AOPEP: variants seen among roughly 807,000 people sequenced by gnomAD.
The protein encoded by AOPEP is aminopeptidase O.
Under a neutral mutation model 98.1 loss-of-function variants are expected in AOPEP, and 77 were observed. The observed-to-expected ratio is 0.78, with a 90% confidence interval of 0.65 to 0.95. The LOEUF (loss-of-function observed/expected upper bound fraction) is 0.95. Ranked by LOEUF, AOPEP falls within the 40% of genes least tolerant of loss-of-function variation. The pLI is 0.00. For synonymous variants in AOPEP, 346 were observed against 365.3 expected (o/e 0.95, Z 0.60); for missense variants, 1,024 against 1,024.7 (o/e 1.00, Z 0.01).
At chr9:94,755,018 G>GC (rs1167648405) in intron 1 of AOPEP, among the ~76,000 whole-genome samples, 2 of 152,144 alleles carry the variant, frequency 1.3e-5, no homozygotes, top group African/African-American at 4.8e-5. Flanking sequence ...TCCTTTCAAA[G>GC]CCTTTAATGG....
chr9:95,129,603 A>G, the AOPEP span, among the ~76,000 whole-genome samples: 1 of 152,118 alleles, frequency 6.6e-6, no homozygotes, highest in African/African-American at 2.4e-5. Flanking sequence ...AATAAAATAA[A>G]CCTTTTGTGG....
At chr9:94,808,620 T>C (rs1849785940) in intron 5 of AOPEP, among the ~76,000 whole-genome samples, 1 of 152,364 alleles carries the variant, frequency 6.6e-6, no homozygotes, top group South Asian at 2.1e-4. Context: ...TCTGCAGTCA[T>C]TGAACAAACC....
At chr9:95,053,369 C>CT (rs1564577645) in intron 13 of AOPEP, among the ~76,000 whole-genome samples, 2 of 152,060 alleles carry the variant, frequency 1.3e-5, no homozygotes, top group East Asian at 3.9e-4. Flanking sequence ...TATTCTGAAC[C>CT]TTTTTTCTAA....
chr9:94,772,880 A>G (rs376939315), intron 2 of AOPEP, 122 bp from the exon 3 acceptor site: 2 of 960,236 alleles, frequency 2.1e-6, no homozygotes, highest in African/African-American at 3.2e-5. Context: ...AAACCAGTCA[A>G]CTACAAAGTT....
intron 13 of AOPEP, among the ~76,000 whole-genome samples, chr9:95,012,831 A>AATCC (rs2062639913): frequency 6.6e-6 from 1 of 152,166 alleles, no homozygotes; most frequent in African/African-American, 2.4e-5. Flanking sequence ...TAAATGAATG[A>AATCC]ATCCCACAAA....
At chr9:95,107,732 C>G in the AOPEP span, among the ~76,000 whole-genome samples, 32 of 151,938 alleles carry the variant, frequency 2.1e-4, no homozygotes, top group African/African-American at 7.5e-4. Flanking sequence ...GGCGGGGGGT[C>G]GGGGGGAACA....
the AOPEP span, chr9:95,111,268 C>G: frequency 1.3e-6 from 2 of 1,550,120 alleles, no homozygotes; most frequent in Middle Eastern, 1.7e-4. Flanking sequence ...CTCTGGCCAC[C>G]TCGGTGGGGA....
At chr9:95,079,190 G>T (rs984264837) in intron 14 of AOPEP, among the ~76,000 whole-genome samples, 4 of 152,160 alleles carry the variant, frequency 2.6e-5, no homozygotes, top group South Asian at 2.1e-4. Context: ...GTGGCCTGGG[G>T]GAAGGATTCT....
intron 1 of AOPEP, among the ~76,000 whole-genome samples, chr9:94,736,038 G>A (rs1587956628): frequency 6.6e-6 from 1 of 152,332 alleles, no homozygotes; most frequent in African/African-American, 2.4e-5. Flanking sequence ...ATTCCACTGT[G>A]TGGATGGACA....
intron 5 of AOPEP, among the ~76,000 whole-genome samples, chr9:94,865,681 T>C (rs921830877): frequency 4.6e-5 from 7 of 152,232 alleles, no homozygotes; most frequent in Non-Finnish European, 1.5e-5. Context: ...TGACCCTTTG[T>C]TGTCACTGTA....
chr9:94,727,519 G>A (rs534138571), intron 1 of AOPEP, among the ~76,000 whole-genome samples: 1 of 151,870 alleles, frequency 6.6e-6, no homozygotes. Flanking sequence ...TGTTTAGATC[G>A]CAAAAAAACA....
the AOPEP span, chr9:95,107,046 T>C: frequency 6.2e-7 from 1 of 1,613,780 alleles, no homozygotes; most frequent in Non-Finnish European, 8.5e-7. Context: ...ACTAGGATGC[T>C]GGACCACAGG....
chr9:95,098,594 C>T, the AOPEP span, among the ~76,000 whole-genome samples: 87 of 152,236 alleles, frequency 5.7e-4, no homozygotes, highest in African/African-American at 2.0e-3. Flanking sequence ...GGGGTGGCCA[C>T]GGCGCTGCTC....
At chr9:95,093,488 C>T in the AOPEP span, among the ~76,000 whole-genome samples, 3 of 152,180 alleles carry the variant, frequency 2.0e-5, no homozygotes, top group East Asian at 1.9e-4. Context: ...CAGCGTTTAA[C>T]GGCAGCCCTC....
chr9:94,782,305 A>G (rs1014330402), intron 3 of AOPEP, among the ~76,000 whole-genome samples: 5 of 152,236 alleles, frequency 3.3e-5, no homozygotes, highest in Non-Finnish European at 7.3e-5. Context: ...TGAAGGAGAA[A>G]AAGCATATGA....
At position 95,035,215 on chromosome 9, in the gene AOPEP, C is replaced by T. The variant is rs117377195; in HGVS notation, c.2116-25479C>T. Among the ~76,000 whole-genome samples the T allele has an allele frequency of 9.4e-4, 142 of 151,534 alleles. 2 individuals are homozygous for T. In the East Asian group the frequency reaches 0.019, roughly 20 times the overall value. ...ATTCCCACCTGTGAGTGAGAACATG[C>T]GGTGTTTGGTTGAAAGAAAACCATC... On this transcript the variant is annotated intron_variant, in intron 13 of 16. Transcript: ENST00000375315.
rs141732614 is a variant in AOPEP, at chr9:94,993,297, C to T, written c.1978-11861C>T. On this transcript the variant is annotated intron_variant, in intron 11 of 16. Transcript: ENST00000375315. ...TATTTATGCCCGTTGCCTAAATAAC[C>T]TTGGGGGAAAAGTCCAGTGAGTCCA... is the stretch of plus-strand genomic sequence containing the variant. 3.2e-3 allele frequency among the ~76,000 whole-genome samples: 493 copies of T among 152,184 alleles called. 6 individuals are homozygous for T. Among genetic ancestry groups the T allele is most frequent in the African/African-American group, 0.011 (463 of 41,546 alleles).
intron 11 of AOPEP, among the ~76,000 whole-genome samples, chr9:94,983,551 C>A (rs1049197546): frequency 3.9e-5 from 6 of 152,120 alleles, no homozygotes; most frequent in African/African-American, 1.4e-4. Context: ...CAGCTCAGAC[C>A]CACTCTTCTC....
Position 95,086,665 on chromosome 9 carries a change from T to C in AOPEP, c.*5-17T>C. ...CCGGTGACTGGGTAATCAATGTTACTGCTGTTTCCTTTGCAGGAAAGACCA... is the reference window on the plus strand; with the variant it reads ...CCGGTGACTGGGTAATCAATGTTACCGCTGTTTCCTTTGCAGGAAAGACCA... On this transcript the variant is annotated splice_polypyrimidine_tract_variant and intron_variant, in intron 16 of 16. Transcript: ENST00000375315. 1 of 988,240 alleles carries C rather than the reference T, an allele frequency of 1.0e-6. No homozygotes were observed. The highest frequency in any genetic ancestry group is 1.2e-6 in the Non-Finnish European group (1 of 830,964). The allele number at this position is 988,240 out of a possible 1,614,324, so 61.2% of individuals were successfully genotyped here.
Sources: allele counts gnomAD v4.1 joint callset (sites outside exome capture counted in the v4.1 genomes callset), GRCh38; gene constraint gnomAD v4.1.1; transcripts MANE v1.5; gene names NCBI Gene and HGNC (gene_info 2026-07-23, HGNC 2026-07-21).